Variants in SEMA4D observed in about 807,000 individuals in gnomAD.
SEMA4D encodes the protein semaphorin 4D.
A neutral mutation model predicts 74.8 loss-of-function variants in SEMA4D; 22 were observed. That is an observed-to-expected ratio of 0.29 (90% CI 0.21 to 0.42). SEMA4D has a LOEUF of 0.42. SEMA4D is among the 10% of genes least tolerant of loss of function. SEMA4D has a pLI of 1.00. For synonymous variants in SEMA4D, 445 were observed against 463.7 expected, an observed-to-expected ratio of 0.96 and a Z score of 0.52; for missense variants, 937 against 1,118.4, an observed-to-expected ratio of 0.84 and a Z score of 2.31.
In SEMA4D at chr9:89,379,463, G is replaced by T; in HGVS notation, c.1830C>A (p.Leu610=). 1 of 1,614,184 alleles carries T rather than the reference G, an allele frequency of 6.2e-7. No individual in the cohort carries two copies. Residue 610 remains leucine, a synonymous_variant, in exon 16 of 16, where the codon CTC becomes CTA. Coordinates refer to ENST00000422704, the MANE Select transcript of SEMA4D (RefSeq NM_001371194.2). ...KYGLMGRKNL[L]IFNLSEGDSG... is the part of the protein sequence containing the mutation. ...TGTCTCCTTCTGACAAGTTGAAGAT[G>T]AGCAAGTTTTTTCTGCCCATAAGAC...
intron 2 of SEMA4D, among the ~76,000 whole-genome samples, chr9:89,423,377 C>T (rs1231967487): frequency 6.6e-6 from 1 of 151,950 alleles, no homozygotes; most frequent in Admixed American, 6.6e-5. Flanking sequence ...TTTTCGTACA[C>T]ACAGGGTTTC....
rs997901268 is a variant in SEMA4D, at chr9:89,381,406, C to G, written c.1447-60G>C. On this transcript the variant is annotated intron_variant, in intron 13 of 15. Coordinates refer to ENST00000422704, the MANE Select transcript of SEMA4D (RefSeq NM_001371194.2). This position sits in a 1 kb window ranked among gnomAD's most constrained non-coding sequence, Gnocchi z 4.6. ...GCAAGCAGGCATCCAGGAGCATGGC[C>G]TCTGCTTCTGCACCAGTGTGTGGGA... 1.5e-5 allele frequency: 22 copies of G among 1,419,656 alleles called. No individual in the cohort carries two copies. The highest frequency in any genetic ancestry group is 2.1e-5 in the Non-Finnish European group (22 of 1,072,516). 87.9% of individuals were successfully genotyped at this position (1,419,656 alleles called of 1,614,324 possible). A position where few individuals can be genotyped will look rare whatever the true frequency, so the allele number is the denominator to read the frequency against.
At chr9:89,435,539 C>T (rs2134846326) in intron 2 of SEMA4D, among the ~76,000 whole-genome samples, 1 of 152,288 alleles carries the variant, frequency 6.6e-6, no homozygotes, top group Admixed American at 6.5e-5. Flanking sequence ...GGCAGACTCC[C>T]AGGGCTCTCT....
At chr9:89,372,707 C>T (rs746777715), downstream of SEMA4D, among the ~76,000 whole-genome samples, 31 of 152,014 alleles carry the variant, frequency 2.0e-4, no homozygotes, top group Non-Finnish European at 2.9e-4. Context: ...GGCACGGGCC[C>T]CAAGGCAGTG....
chr9:89,387,328 C>G, intron 12 of SEMA4D, 58 bp downstream of exon 12: 1 of 1,408,826 alleles, frequency 7.1e-7, no homozygotes, highest in South Asian at 1.3e-5. Context: ...CCCAGTTTTC[C>G]TACCAGAGGA....
At chr9:89,430,477 C>T (rs1017414522) in intron 2 of SEMA4D, among the ~76,000 whole-genome samples, 4 of 152,160 alleles carry the variant, frequency 2.6e-5, no homozygotes, top group Non-Finnish European at 5.9e-5. Context: ...CAGCCAGGCT[C>T]GGAGGACAAA....
At position 89,438,964 on chromosome 9, in the gene SEMA4D, C is replaced by CTTT. The variant is rs57394947; in HGVS notation, c.-244+16921_-244+16923dup. On this transcript the variant is annotated intron_variant, in intron 2 of 15. Transcript: ENST00000422704. ...ATAGGTGTGAGCCACCGCACCGGGC[C>CTTT]TTTTTTTTTTTTTTTTTTTTTTTTT... is the stretch of plus-strand genomic sequence containing the variant. 5.8e-4 allele frequency among the ~76,000 whole-genome samples: 22 copies of CTTT among 38,212 alleles called. 1 individual carries two copies. The highest frequency in any genetic ancestry group is 1.9e-3 in the African/African-American group (16 of 8,608). 25.1% of individuals were successfully genotyped at this position (38,212 alleles called of 152,430 possible).
chr9:89,363,368 T>C, intron 18 of SEMA4D: 1 of 1,593,632 alleles, frequency 6.3e-7, no homozygotes, highest in Non-Finnish European at 8.5e-7. Flanking sequence ...ATCCACTGGA[T>C]GTGGCAGGTG....
downstream of SEMA4D, chr9:89,376,857 A>G: frequency 6.5e-7 from 1 of 1,549,676 alleles, no homozygotes; most frequent in East Asian, 2.4e-5. Context: ...AAGAGGTAGA[A>G]GTTCCCCAGG....
intron 13 of SEMA4D, chr9:89,384,945 C>T (rs540074657): frequency 1.0e-4 from 100 of 985,306 alleles, no homozygotes; most frequent in Non-Finnish European, 1.2e-4. Context: ...GATGTATTTC[C>T]GCTTGTCCAG....
chr9:89,450,521 T>A (rs1342962455), intron 2 of SEMA4D: 1 of 1,220,704 alleles, frequency 8.2e-7, no homozygotes, highest in East Asian at 2.3e-5. Flanking sequence ...AGTTTAAATT[T>A]ACAGTTCTGC....
At chr9:89,462,317 G>A (rs1042757246) in intron 1 of SEMA4D, among the ~76,000 whole-genome samples, 1 of 152,194 alleles carries the variant, frequency 6.6e-6, no homozygotes, top group Non-Finnish European at 1.5e-5. Flanking sequence ...ATAATTCACA[G>A]TAACTAAGAT....
intron 18 of SEMA4D, chr9:89,362,555 C>G: frequency 3.2e-6 from 5 of 1,541,158 alleles, no homozygotes; most frequent in Non-Finnish European, 4.5e-6. Context: ...GTTGTGGTTC[C>G]CCTCCTTGGA....
rs377561064 is a variant in SEMA4D, at chr9:89,402,901, G to A, written c.222C>T (p.Asn74=). 1.4e-5 allele frequency: 22 copies of A among 1,613,976 alleles called. No individual in the cohort carries two copies. The highest frequency in any genetic ancestry group is 1.2e-4 in the African/African-American group (9 of 74,938). Residue 74 remains asparagine, a synonymous_variant, in exon 4 of 16, where the codon AAC becomes AAT. Transcript: ENST00000422704. The stretch of plus-strand genomic sequence containing the variant: ...GCTGCTTCTCGGAGATGTTGAGTGC[G>A]TTCACAGCGAAGACCGCCTCCCGGG... ...IGAREAVFAV[N]ALNISEKQHE... is the part of the protein sequence containing the mutation.
chr9:89,391,486 G>T, intron 8 of SEMA4D, 71 bp from the exon 9 acceptor site: 1 of 1,533,094 alleles, frequency 6.5e-7, no homozygotes, highest in Non-Finnish European at 9.0e-7. Context: ...GAGGTCACGA[G>T]GCCGGCCAAC....
intron 5 of SEMA4D, 139 bp from the exon 6 acceptor site, chr9:89,396,974 G>A (rs991450695): frequency 2.8e-6 from 2 of 710,472 alleles, no homozygotes; most frequent in Non-Finnish European, 4.9e-6. Context: ...AGGCCAACGA[G>A]GCATGTGTGC....
At chr9:89,384,546 C>G (rs1163810202) in intron 13 of SEMA4D, 1 of 547,120 alleles carries the variant, frequency 1.8e-6, no homozygotes, top group Non-Finnish European at 2.3e-6. Flanking sequence ...GAAAAGCACC[C>G]TGCAGACAGA....
intron 16 of SEMA4D, chr9:89,364,275 C>T (rs1035683171): frequency 1.2e-5 from 5 of 412,306 alleles, no homozygotes; most frequent in African/African-American, 8.1e-5. Context: ...GGCCTTGGAA[C>T]AGCATCCCAC....
intron 5 of SEMA4D, among the ~76,000 whole-genome samples, chr9:89,398,071 C>T (rs1164799249): frequency 6.6e-6 from 1 of 152,162 alleles, no homozygotes; most frequent in African/African-American, 2.4e-5. Flanking sequence ...CCTGGCAAAA[C>T]CCCACATGTG....
Sources: allele counts gnomAD v4.1 joint callset (sites outside exome capture counted in the v4.1 genomes callset), GRCh38; gene constraint gnomAD v4.1.1; non-coding constraint Gnocchi (gnomAD v3.1); transcripts MANE v1.5; gene names NCBI Gene and HGNC (gene_info 2026-07-23, HGNC 2026-07-21).